The following PTPRM variants were observed in gnomAD, a reference collection of about 807,000 sequenced individuals.
PTPRM encodes the protein receptor-type tyrosine-protein phosphatase mu.
A neutral mutation model predicts 186.7 loss-of-function variants in PTPRM; 47 were observed. The observed-to-expected ratio is 0.25, with a 90% CI of 0.20 to 0.32. The LOEUF is 0.32. Ranked by LOEUF, PTPRM falls within the 10% of genes least tolerant of loss-of-function variation. The pLI is 1.00. For missense variants in PTPRM, 1,494 were observed against 1,865.0 expected, an observed-to-expected ratio of 0.80 and a Z score of 3.66; for synonymous variants, 668 against 674.9, an observed-to-expected ratio of 0.99 and a Z score of 0.16.
chr18:8,379,517 T>G (rs2095718111), intron 28 of PTPRM, among the ~76,000 whole-genome samples, 177 bp downstream of exon 28: 1 of 152,208 alleles, frequency 6.6e-6, no homozygotes, highest in Admixed American at 6.5e-5. Flanking sequence ...GGGGCTGATA[T>G]CCTTCGTTTC....
chr18:8,006,174 A>G (rs1010918342), intron 7 of PTPRM, among the ~76,000 whole-genome samples: 2 of 152,156 alleles, frequency 1.3e-5, no homozygotes, highest in Non-Finnish European at 2.9e-5. Context: ...AGATAAATCT[A>G]TTTTTGCATA....
Position 8,400,276 on chromosome 18 carries a change from A to AT in PTPRM, c.4344+5667dup, listed in dbSNP as rs2095865184. Reference sequence around the variant, plus strand: ...GATCCCTGGGCCCACCTGGAGACTGATTCGATTGGTCAGGGGCCTGGCTGC... The same window carrying AT: ...GATCCCTGGGCCCACCTGGAGACTGATTTCGATTGGTCAGGGGCCTGGCTGC... On this transcript the variant is annotated intron_variant, in intron 32 of 32. Coordinates refer to ENST00000580170, the MANE Select transcript of PTPRM (RefSeq NM_001105244.2). Among the ~76,000 whole-genome samples the AT allele has an allele frequency of 2.6e-5, 4 of 152,214 alleles. No homozygotes were observed. In the South Asian group the frequency reaches 8.3e-4, roughly 32 times the overall value.
At chr18:7,586,784 C>T (rs1941138) in intron 1 of PTPRM, among the ~76,000 whole-genome samples, 57,722 of 152,058 alleles carry the variant, frequency 0.38, 16,859 homozygotes, top group African/African-American at 0.78. Flanking sequence ...AAGGAGAGAA[C>T]GTATGCCCTA....
At chr18:8,207,809 A>G (rs377249100) in intron 14 of PTPRM, among the ~76,000 whole-genome samples, 4 of 152,192 alleles carry the variant, frequency 2.6e-5, no homozygotes, top group South Asian at 2.1e-4. Context: ...GGAGTCCCAA[A>G]GAGAGGGACT....
At chr18:8,025,993 C>T (rs1427350368) in intron 7 of PTPRM, among the ~76,000 whole-genome samples, 1 of 152,162 alleles carries the variant, frequency 6.6e-6, no homozygotes, top group Non-Finnish European at 1.5e-5. Flanking sequence ...CCCCAGTGTA[C>T]TTGAGCATTC....
At chr18:7,583,448 T>G (rs1188418952) in intron 1 of PTPRM, among the ~76,000 whole-genome samples, 1 of 152,222 alleles carries the variant, frequency 6.6e-6, no homozygotes, top group East Asian at 1.9e-4. Context: ...AAGCCTGTTT[T>G]CTTGTCCCTG....
rs563869755 is a variant in PTPRM, at chr18:7,896,252, C to G, written c.468+7875C>G. 3.4e-4 allele frequency among the ~76,000 whole-genome samples: 52 copies of G among 152,234 alleles called. 1 individual carries two copies. In the South Asian group the frequency reaches 0.011, roughly 31 times the overall value. ...ATAATATTTTCCTCATGTACTCGCC[C>G]TTTTGCTTTATTGTGCTGATAAAAA... On this transcript the variant is annotated intron_variant, in intron 3 of 32. Coordinates refer to ENST00000580170, the MANE Select transcript of PTPRM (RefSeq NM_001105244.2).
intron 19 of PTPRM, among the ~76,000 whole-genome samples, chr18:8,264,050 A>T (rs185537612): frequency 6.6e-6 from 1 of 152,180 alleles, no homozygotes; most frequent in East Asian, 1.9e-4. Context: ...CTGAGGCCTC[A>T]GCCTATGGGA....
chr18:7,916,617 T>TAA (rs529823904), intron 4 of PTPRM, among the ~76,000 whole-genome samples: 1 of 151,942 alleles, frequency 6.6e-6, no homozygotes, highest in African/African-American at 2.4e-5. Flanking sequence ...TTTTCTTTTT[T>TAA]AAAAAAAATG....
At chr18:7,708,534 G>C (rs1221323617) in intron 1 of PTPRM, among the ~76,000 whole-genome samples, 1 of 152,016 alleles carries the variant, frequency 6.6e-6, no homozygotes, top group African/African-American at 2.4e-5. Context: ...CTTTTCACCT[G>C]AACATTTTTA....
intron 2 of PTPRM, chr18:7,814,675 G>A (rs1377336575): frequency 6.6e-6 from 1 of 152,196 alleles, no homozygotes; most frequent in African/African-American, 2.4e-5. Context: ...CAGAAACTGG[G>A]GAGTGGCCCC....
chr18:7,755,757 T>C (rs1408016283), intron 1 of PTPRM, among the ~76,000 whole-genome samples: 1 of 152,204 alleles, frequency 6.6e-6, no homozygotes, highest in Non-Finnish European at 1.5e-5. Context: ...TTTGTGCTGT[T>C]CTACAGATTT....
At chr18:8,243,989 C>A in intron 14 of PTPRM, 69 bp from the exon 15 acceptor site, 1 of 1,427,326 alleles carries the variant, frequency 7.0e-7, no homozygotes, top group Non-Finnish European at 9.6e-7. Context: ...GAACATCTGT[C>A]AATATACATG....
chr18:7,616,313 C>A (rs895857327), intron 1 of PTPRM, among the ~76,000 whole-genome samples: 4 of 152,074 alleles, frequency 2.6e-5, no homozygotes, highest in African/African-American at 9.7e-5. Context: ...ATAGTGCCAC[C>A]ACACCCTGCT....
intron 1 of PTPRM, among the ~76,000 whole-genome samples, chr18:7,767,361 A>G (rs1056629013): frequency 1.3e-5 from 2 of 152,240 alleles, no homozygotes; most frequent in Non-Finnish European, 2.9e-5. Flanking sequence ...TACTGGGTCA[A>G]GATGTCATGA....
intron 9 of PTPRM, among the ~76,000 whole-genome samples, chr18:8,085,295 G>A (rs867681149): frequency 2.6e-5 from 4 of 152,014 alleles, no homozygotes; most frequent in Non-Finnish European, 5.9e-5. Flanking sequence ...CTAGATTAAA[G>A]ATGAGGCCTT....
chr18:7,732,151 G>A (rs1220676224), intron 1 of PTPRM, among the ~76,000 whole-genome samples: 2 of 152,122 alleles, frequency 1.3e-5, no homozygotes, highest in African/African-American at 4.8e-5. Flanking sequence ...GGAGTACACA[G>A]GTTCCTTCTT....
At chr18:8,251,112 A>T (rs552820311) in intron 17 of PTPRM, among the ~76,000 whole-genome samples, 1 of 152,300 alleles carries the variant, frequency 6.6e-6, no homozygotes. Context: ...GCAGCACAGG[A>T]TGATTACATA....
chr18:8,007,122 G>A (rs1356246743), intron 7 of PTPRM, among the ~76,000 whole-genome samples: 2 of 152,088 alleles, frequency 1.3e-5, no homozygotes, highest in South Asian at 4.1e-4. Context: ...GAATCTCAGG[G>A]GTAGGACCTA....
Sources: gnomAD v4.1 joint callset for allele counts (sites outside exome capture counted in the v4.1 genomes callset) on GRCh38, gnomAD v4.1.1 for gene constraint, MANE v1.5 for transcripts, NCBI Gene and HGNC (gene_info 2026-07-23, HGNC 2026-07-21) for gene names.